PAN3: variants seen among roughly 807,000 people sequenced by gnomAD.
PAN3 encodes PAN2-PAN3 deadenylation complex subunit PAN3.
A neutral mutation model predicts 96.2 loss-of-function variants in PAN3; 19 were observed. The ratio of observed to expected loss-of-function variants is 0.20; its 90% CI spans 0.14 to 0.29. The LOEUF is 0.29. PAN3 is among the 10% of genes least tolerant of loss of function. PAN3 has a pLI of 1.00. For synonymous variants in PAN3, 433 were observed against 406.6 expected, an observed-to-expected ratio of 1.06 and a Z score of -0.78; for missense variants, 882 against 1,108.1, an observed-to-expected ratio of 0.80 and a Z score of 2.90.
intron 5 of PAN3, among the ~76,000 whole-genome samples, chr13:28,209,013 T>G (rs1281468755): frequency 6.6e-6 from 1 of 152,214 alleles, no homozygotes; most frequent in Non-Finnish European, 1.5e-5. Context: ...AATACTGGGG[T>G]GCTTAAGGCA....
chr13:28,176,117 G>GA (rs1874949531), intron 2 of PAN3, among the ~76,000 whole-genome samples: 1 of 152,170 alleles, frequency 6.6e-6, no homozygotes. Flanking sequence ...TACAAATGGA[G>GA]AAAGGGTATT....
chr13:28,252,473 TG>T (rs543174622), intron 6 of PAN3, among the ~76,000 whole-genome samples: 30 of 152,108 alleles, frequency 2.0e-4, no homozygotes, highest in African/African-American at 7.0e-4. Context: ...GAAATAGAAT[TG>T]TGTTATCCAA....
intron 6 of PAN3, among the ~76,000 whole-genome samples, chr13:28,224,167 G>T (rs113633931): frequency 7.9e-5 from 12 of 152,040 alleles, no homozygotes; most frequent in Non-Finnish European, 1.8e-4. Flanking sequence ...AACCGCGCCC[G>T]GCCAAAAAGT....
chr13:28,266,519 T>A (rs1475175708), intron 9 of PAN3, among the ~76,000 whole-genome samples, 196 bp from the exon 10 acceptor site: 1 of 152,200 alleles, frequency 6.6e-6, no homozygotes, highest in Non-Finnish European at 1.5e-5. Context: ...GGTTATTTTA[T>A]TATATAATGC....
intron 1 of PAN3, among the ~76,000 whole-genome samples, chr13:28,168,147 G>C (rs1264906753): frequency 1.3e-5 from 2 of 152,198 alleles, no homozygotes; most frequent in Non-Finnish European, 2.9e-5. Context: ...AGCACACAGA[G>C]ATGTAATAGT....
intron 7 of PAN3, among the ~76,000 whole-genome samples, chr13:28,259,394 C>G (rs989489321): frequency 6.6e-6 from 1 of 151,784 alleles, no homozygotes; most frequent in Non-Finnish European, 1.5e-5. Context: ...GCAACCTCCA[C>G]CTCCGGGTTC....
chr13:28,201,917 C>G (rs140340226), intron 5 of PAN3, among the ~76,000 whole-genome samples: 1 of 152,112 alleles, frequency 6.6e-6, no homozygotes, highest in African/African-American at 2.4e-5. Flanking sequence ...TCTAGAAATA[C>G]GGTTTAATTT....
chr13:28,181,399 A>C (rs973733906), intron 4 of PAN3, among the ~76,000 whole-genome samples: 1 of 150,876 alleles, frequency 6.6e-6, no homozygotes, highest in Non-Finnish European at 1.5e-5. Flanking sequence ...AGTCACAGCT[A>C]CTCGGGAGGA....
At chr13:28,252,816 A>G (rs183267715) in intron 6 of PAN3, among the ~76,000 whole-genome samples, 5 of 152,176 alleles carry the variant, frequency 3.3e-5, no homozygotes, top group Non-Finnish European at 4.4e-5. Context: ...CTTAATTTAG[A>G]ATATTTAAAA....
At chr13:28,224,142 A>G (rs752829986) in intron 6 of PAN3, among the ~76,000 whole-genome samples, 8 of 152,124 alleles carry the variant, frequency 5.3e-5, no homozygotes, top group African/African-American at 1.9e-4. Flanking sequence ...AAGTGCTGGG[A>G]TTACAGGCGT....
chr13:28,151,009 A>G (rs2137967843), intron 1 of PAN3, among the ~76,000 whole-genome samples: 1 of 152,312 alleles, frequency 6.6e-6, no homozygotes, highest in South Asian at 2.1e-4. Context: ...TAGGGTTGTT[A>G]TAGAATGAAA....
chr13:28,181,415 G>A (rs1875751024), intron 4 of PAN3, among the ~76,000 whole-genome samples: 1 of 151,492 alleles, frequency 6.6e-6, no homozygotes, highest in Admixed American at 6.6e-5. Flanking sequence ...GAGGATGAGA[G>A]GTGGGAGGAT....
At chr13:28,212,532 T>C (rs1203763639) in intron 5 of PAN3, among the ~76,000 whole-genome samples, 1 of 152,080 alleles carries the variant, frequency 6.6e-6, no homozygotes, top group East Asian at 1.9e-4. Context: ...TCAAAACTGA[T>C]CCAGAAATAG....
chr13:28,250,728 G>A (rs1035182244), intron 6 of PAN3, among the ~76,000 whole-genome samples: 5 of 152,028 alleles, frequency 3.3e-5, no homozygotes, highest in African/African-American at 1.2e-4. Flanking sequence ...GGCCTCTAAC[G>A]CCTGGCCTCA....
At chr13:28,286,758 C>A (rs1442166588) in intron 17 of PAN3, among the ~76,000 whole-genome samples, 1 of 152,104 alleles carries the variant, frequency 6.6e-6, no homozygotes, top group Non-Finnish European at 1.5e-5. Context: ...TGAAAGGGAG[C>A]AGAGATAAAT....
intron 18 of PAN3, 60 bp downstream of exon 18, chr13:28,288,182 A>G: frequency 1.4e-6 from 2 of 1,414,902 alleles, no homozygotes; most frequent in Non-Finnish European, 1.9e-6. Flanking sequence ...ATAGAGTTGT[A>G]TCTTCTACAA....
chr13:28,168,668 G>A (rs1873891397), intron 1 of PAN3, among the ~76,000 whole-genome samples: 1 of 152,034 alleles, frequency 6.6e-6, no homozygotes, highest in Admixed American at 6.6e-5. Flanking sequence ...GCAGTGAGCT[G>A]AGATCGTGCC....
chr13:28,255,705 G>C (rs1305493904), intron 6 of PAN3, among the ~76,000 whole-genome samples: 1 of 150,946 alleles, frequency 6.6e-6, no homozygotes, highest in Non-Finnish European at 1.5e-5. Context: ...CAGACTGCTT[G>C]ATACTAAAAA....
intron 5 of PAN3, among the ~76,000 whole-genome samples, chr13:28,214,251 G>T (rs2138341007): frequency 6.6e-6 from 1 of 152,256 alleles, no homozygotes. Context: ...GTGTATTTGT[G>T]TACAAAGACT....
Sources: allele counts gnomAD v4.1 joint callset (sites outside exome capture counted in the v4.1 genomes callset), GRCh38; gene constraint gnomAD v4.1.1; transcripts MANE v1.5; gene names NCBI Gene and HGNC (gene_info 2026-07-23, HGNC 2026-07-21).